The following GSK3B variants were observed in gnomAD, a reference collection of about 807,000 sequenced individuals.
The protein encoded by GSK3B is glycogen synthase kinase 3 beta.
GSK3B carries 15 observed loss-of-function variants against 56.4 expected under a neutral mutation model. The observed-to-expected ratio is 0.27, with a 90% CI of 0.18 to 0.41. The LOEUF (loss-of-function observed/expected upper bound fraction) is 0.41. GSK3B is among the 10% of genes least tolerant of loss of function. The pLI, the probability that GSK3B is intolerant of heterozygous loss-of-function variation, is 1.00. For synonymous variants in GSK3B, 181 were observed against 188.9 expected (o/e 0.96, Z 0.34); for missense variants, 300 against 513.4 (o/e 0.58, Z 4.02).
At chr3:119,906,676 C>T (rs137959310) in intron 6 of GSK3B, among the ~76,000 whole-genome samples, 1 of 152,030 alleles carries the variant, frequency 6.6e-6, no homozygotes, top group South Asian at 2.1e-4. Flanking sequence ...AGACTTCCTA[C>T]AAGAAAAGGC....
intron 9 of GSK3B, among the ~76,000 whole-genome samples, chr3:119,844,245 C>T (rs565741885): frequency 2.0e-5 from 3 of 151,882 alleles, no homozygotes; most frequent in Non-Finnish European, 2.9e-5. Context: ...AAAATTGACA[C>T]CCTAACATCA....
chr3:120,006,774 G>A (rs543560052), intron 1 of GSK3B, among the ~76,000 whole-genome samples: 1 of 152,272 alleles, frequency 6.6e-6, no homozygotes, highest in South Asian at 2.1e-4. Flanking sequence ...AGTGTTTAGA[G>A]GGAAACTTAG....
In GSK3B at chr3:119,923,442, C is replaced by T. The variant is rs768275952; in HGVS notation, c.408G>A (p.Pro136=). The T allele has an allele frequency of 4.1e-5, 65 of 1,603,394 alleles. No individual in the cohort carries two copies. In the East Asian group the frequency reaches 6.3e-4, roughly 15 times the overall value. ...VYLNLVLDYV[P]ETVYRVARHY... is the part of the protein sequence containing the mutation. ...GTCTGGCAACTCTGTATACTGTTTC[C>T]GGAACATAGTCCAGCACCAGATTAA... The change falls in exon 4 of 11, where the codon CCG becomes CCA. Residue 136 remains proline (P), a synonymous_variant. Coordinates refer to ENST00000264235, the MANE Select transcript of GSK3B (RefSeq NM_001146156.2).
intron 2 of GSK3B, among the ~76,000 whole-genome samples, chr3:119,949,694 C>T (rs2057135605): frequency 6.6e-6 from 1 of 150,794 alleles, no homozygotes; most frequent in South Asian, 2.1e-4. Flanking sequence ...ATCAGATTTA[C>T]CTTTCAGAAA....
At chr3:120,004,175 G>C (rs1322661145) in intron 1 of GSK3B, among the ~76,000 whole-genome samples, 1 of 152,248 alleles carries the variant, frequency 6.6e-6, no homozygotes, top group Non-Finnish European at 1.5e-5. Context: ...AACCTAAGAT[G>C]TGGGAGCTTG....
Position 119,981,805 on chromosome 3 carries a change from A to T in GSK3B, c.282+20241T>A, listed in dbSNP as rs536587009. On this transcript the variant is annotated intron_variant, in intron 2 of 10. Transcript: ENST00000264235. ...GGCAGCAGACAACTTCTGCAGACAT[A>T]AACGTCCCTATCTGACAGCTCTGAA... is the stretch of plus-strand genomic sequence containing the variant. 2.6e-5 allele frequency among the ~76,000 whole-genome samples: 4 copies of T among 152,370 alleles called. No individual in the cohort carries two copies. In the South Asian group the frequency reaches 6.2e-4, roughly 24 times the overall value.
chr3:119,986,509 T>TA (rs893698017), intron 2 of GSK3B, among the ~76,000 whole-genome samples: 4 of 149,642 alleles, frequency 2.7e-5, no homozygotes, highest in African/African-American at 4.9e-5. Context: ...ACCCCCATCA[T>TA]AAAGTGGGCA....
intron 3 of GSK3B, among the ~76,000 whole-genome samples, chr3:119,925,795 C>G (rs2056883921): frequency 6.6e-6 from 1 of 152,112 alleles, no homozygotes; most frequent in South Asian, 2.1e-4. Flanking sequence ...CCTCTCTCCT[C>G]CTATTCTAAA....
chr3:120,024,226 C>A (rs2057904456), intron 1 of GSK3B, among the ~76,000 whole-genome samples: 2 of 152,010 alleles, frequency 1.3e-5, no homozygotes, highest in African/African-American at 4.8e-5. Context: ...GTCCCAGCTA[C>A]TTGGAAGGCT....
At chr3:119,970,635 AAATT>A (rs2057356903) in intron 2 of GSK3B, among the ~76,000 whole-genome samples, 1 of 150,040 alleles carries the variant, frequency 6.7e-6, no homozygotes, top group Admixed American at 6.6e-5. Flanking sequence ...AAAAAAAAAA[AAATT>A]AGCCGGGCAT....
chr3:119,879,622 A>C (rs2056356760), intron 7 of GSK3B, among the ~76,000 whole-genome samples: 1 of 151,936 alleles, frequency 6.6e-6, no homozygotes, highest in Admixed American at 6.6e-5. Flanking sequence ...TGTACCCATT[A>C]ACCATCCCTA....
chr3:120,060,910 A>G (rs1207997970), intron 1 of GSK3B, among the ~76,000 whole-genome samples: 1 of 152,190 alleles, frequency 6.6e-6, no homozygotes, highest in African/African-American at 2.4e-5. Flanking sequence ...CTATTTATTT[A>G]TTTGTTTATT....
At chr3:119,862,524 T>TAAAAAAAAAAAA (rs5852229) in intron 9 of GSK3B, among the ~76,000 whole-genome samples, 1 of 111,858 alleles carries the variant, frequency 8.9e-6, no homozygotes, top group Non-Finnish European at 1.8e-5. Context: ...TAGAGTATAA[T>TAAAAAAAAAAAA]AAAAAAAAAA....
chr3:120,021,314 G>T (rs2057874985), intron 1 of GSK3B, among the ~76,000 whole-genome samples: 1 of 150,438 alleles, frequency 6.6e-6, no homozygotes, highest in Admixed American at 6.6e-5. Context: ...GACCAGCCTG[G>T]CCAAGATGGT....
At chr3:120,043,259 T>G (rs1258828424) in intron 1 of GSK3B, among the ~76,000 whole-genome samples, 3 of 151,888 alleles carry the variant, frequency 2.0e-5, no homozygotes, top group African/African-American at 7.3e-5. Context: ...CACCACCACC[T>G]CCAGAGTCAT....
intron 2 of GSK3B, among the ~76,000 whole-genome samples, chr3:119,996,068 A>ATTTCATAT (rs2057614932): frequency 6.6e-6 from 1 of 152,268 alleles, no homozygotes; most frequent in South Asian, 2.1e-4. Flanking sequence ...AATAAAAAGT[A>ATTTCATAT]GCAAAAATCA....
At chr3:119,976,965 T>C (rs2057414603) in intron 2 of GSK3B, among the ~76,000 whole-genome samples, 1 of 152,090 alleles carries the variant, frequency 6.6e-6, no homozygotes, top group Non-Finnish European at 1.5e-5. Flanking sequence ...CAAGTTTTAT[T>C]TCTCCTTCTC....
intron 7 of GSK3B, among the ~76,000 whole-genome samples, chr3:119,892,377 A>T (rs1203196730): frequency 6.6e-6 from 1 of 152,150 alleles, no homozygotes; most frequent in Non-Finnish European, 1.5e-5. Context: ...AGTTTTACTA[A>T]ATATTTATCC....
At position 120,041,502 on chromosome 3, in the gene GSK3B, C is replaced by T. The variant is rs2058064859; in HGVS notation, c.89-39263G>A. 4 of 237,468 alleles carry T rather than the reference C, an allele frequency of 1.7e-5. No individual in the cohort carries two copies. The East Asian group carries it at 4.2e-4, about 25-fold the overall frequency. 14.7% of individuals were successfully genotyped at this position (237,468 alleles called of 1,614,324 possible). A position where few individuals can be genotyped will look rare whatever the true frequency, so the allele number is the denominator to read the frequency against. On this transcript the variant is annotated intron_variant, in intron 1 of 10. Transcript: ENST00000264235. The stretch of plus-strand genomic sequence containing the variant: ...TGTGATCATTGTTGGCTACCCCAGA[C>T]CAGAAAAGAACTTTGATTCTTTAGA...
Sources: gnomAD v4.1 joint callset for allele counts (sites outside exome capture counted in the v4.1 genomes callset) on GRCh38, gnomAD v4.1.1 for gene constraint, MANE v1.5 for transcripts, NCBI Gene and HGNC (gene_info 2026-07-23, HGNC 2026-07-21) for gene names.